SGCG: variants seen among roughly 807,000 people sequenced by gnomAD.
SGCG encodes the protein sarcoglycan gamma.
In SGCG, 26 loss-of-function variants were observed where a neutral mutation model predicts 29.3. The observed-to-expected ratio is 0.89, with a 90% CI of 0.65 to 1.23. The LOEUF is 1.23. Among genes scored for constraint, SGCG ranks in the 50% most tolerant of loss-of-function variants. The pLI is 0.00. For missense variants in SGCG, 353 were observed against 356.0 expected, an observed-to-expected ratio of 0.99 and a Z score of 0.07; for synonymous variants, 145 against 129.7, an observed-to-expected ratio of 1.12 and a Z score of -0.80.
the SGCG span, among the ~76,000 whole-genome samples, chr13:23,168,995 T>C: frequency 6.6e-6 from 1 of 151,936 alleles, no homozygotes; most frequent in Non-Finnish European, 1.5e-5. Context: ...TTTGTTGAGA[T>C]ACAGTATATC....
Position 23,262,571 on chromosome 13 carries a change from A to G in SGCG, c.385+11854A>G, listed in dbSNP as rs1367958217. Reference sequence around the variant, plus strand: ...AAAACAATAACAGTGGAGGACTTCAATACTCCACTGACGGCATTAGACAAA... The same window carrying G: ...AAAACAATAACAGTGGAGGACTTCAGTACTCCACTGACGGCATTAGACAAA... On this transcript the variant is annotated intron_variant, in intron 4 of 7. Transcript: ENST00000218867. Among the ~76,000 whole-genome samples, 5 of 152,096 alleles carry G rather than the reference A, an allele frequency of 3.3e-5. No individual in the cohort carries two copies. The East Asian group carries it at 5.8e-4, about 18-fold the overall frequency.
chr13:23,189,470 C>T (rs376565453), intron 1 of SGCG, among the ~76,000 whole-genome samples: 2 of 152,210 alleles, frequency 1.3e-5, no homozygotes, highest in African/African-American at 4.8e-5. Context: ...GCCACTGCGC[C>T]TGGCCTTTTT....
chr13:23,266,001 A>C (rs1489520390), intron 4 of SGCG, among the ~76,000 whole-genome samples: 1 of 152,198 alleles, frequency 6.6e-6, no homozygotes, highest in Non-Finnish European at 1.5e-5. Flanking sequence ...TCACAAAGAT[A>C]TAAAATCAAC....
At chr13:23,310,179 T>C (rs183512671) in intron 6 of SGCG, among the ~76,000 whole-genome samples, 3,512 of 144,918 alleles carry the variant, frequency 0.024, 158 homozygotes, top group African/African-American at 0.083. Flanking sequence ...CTCCGCCTCC[T>C]GGGTTCACGC....
intron 2 of SGCG, among the ~76,000 whole-genome samples, chr13:23,227,324 AAAAAAC>A (rs202055967): frequency 0.013 from 1,800 of 140,926 alleles, 26 homozygotes; most frequent in African/African-American, 0.042. Context: ...GGAAAAAAAA[AAAAAAC>A]AAAAACCTGG....
chr13:23,299,717 G>A (rs527908089), intron 6 of SGCG, among the ~76,000 whole-genome samples: 269 of 151,994 alleles, frequency 1.8e-3, no homozygotes, highest in Non-Finnish European at 2.9e-3. Context: ...CTCCCAAAGT[G>A]CTGGGATTAC....
chr13:23,318,268 T>C (rs1433705368), intron 6 of SGCG, among the ~76,000 whole-genome samples: 1 of 152,150 alleles, frequency 6.6e-6, no homozygotes, highest in Non-Finnish European at 1.5e-5. Context: ...CCCTGACTAA[T>C]ACACCAATCA....
rs149072561 is a variant in SGCG at position 23,308,193 on chromosome 13, C to T, written c.579-12444C>T. Among the ~76,000 whole-genome samples the T allele has an allele frequency of 5.6e-4, 85 of 152,264 alleles. No individual in the cohort carries two copies. The East Asian group carries it at 7.7e-3, about 14-fold the overall frequency. On this transcript the variant is annotated intron_variant, in intron 6 of 7. Coordinates refer to ENST00000218867, the MANE Select transcript of SGCG (RefSeq NM_000231.3). ...TCAGGAACTTGGGTGTTTTAGAAAC[C>T]ACTGCTTGGGCACTAAGGAGGGAAT...
intron 5 of SGCG, 127 bp downstream of exon 5, chr13:23,279,605 C>A: frequency 1.3e-6 from 1 of 771,746 alleles, no homozygotes; most frequent in Non-Finnish European, 2.0e-6. Context: ...GTTGCATTTT[C>A]TCCATTGCAT....
chr13:23,161,963 T>C, the SGCG span, among the ~76,000 whole-genome samples: 3 of 152,242 alleles, frequency 2.0e-5, no homozygotes, highest in Admixed American at 6.5e-5. Context: ...CAATCTTTCT[T>C]AAATCTCAGA....
At position 23,303,393 on chromosome 13, in the gene SGCG, A is replaced by G. The variant is rs574463043; in HGVS notation, c.578+7906A>G. 3.9e-5 allele frequency among the ~76,000 whole-genome samples: 6 copies of G among 152,350 alleles called. No individual in the cohort carries two copies. The East Asian group carries it at 1.2e-3, about 29-fold the overall frequency. ...CACTTTCAGACACTGGATAGCACGA[A>G]GTGCAAAACAAGACAGAAACTAATG... On this transcript the variant is annotated intron_variant, in intron 6 of 7. Transcript: ENST00000218867.
intron 6 of SGCG, among the ~76,000 whole-genome samples, chr13:23,309,571 A>G (rs1373106348): frequency 6.6e-6 from 1 of 152,226 alleles, no homozygotes; most frequent in Non-Finnish European, 1.5e-5. Flanking sequence ...AACGATGGAC[A>G]TCTGTGTTTA....
chr13:23,233,171 A>G (rs1450886867), intron 2 of SGCG, among the ~76,000 whole-genome samples: 1 of 152,216 alleles, frequency 6.6e-6, no homozygotes, highest in Non-Finnish European at 1.5e-5. Flanking sequence ...CCCAAGTATC[A>G]ATCAATGGGA....
At chr13:23,248,922 C>T (rs1313939874) in intron 3 of SGCG, among the ~76,000 whole-genome samples, 3 of 142,520 alleles carry the variant, frequency 2.1e-5, no homozygotes, top group African/African-American at 7.9e-5. Flanking sequence ...ACCCGGGAGG[C>T]GGAGCTTGCA....
rs1877862967 is a variant in SGCG at position 23,203,736 on chromosome 13, C to T, written c.42C>T (p.Cys14=). The T allele has an allele frequency of 1.9e-6, 3 of 1,613,870 alleles. No homozygotes were observed. The East Asian group carries it at 6.7e-5, about 36-fold the overall frequency. The change falls in exon 2 of 8, where the codon TGC becomes TGT. Residue 14 remains cysteine (C), a synonymous_variant. Transcript: ENST00000218867. ...EQYTTATEGI[C]IERPENQYVY... is the part of the protein sequence containing the mutation. The stretch of plus-strand genomic sequence containing the variant: ...ACACTACAGCCACAGAAGGCATCTG[C>T]ATAGAGAGGCCAGAGAATCAGTATG...
chr13:23,187,594 C>T (rs114224535), intron 1 of SGCG, among the ~76,000 whole-genome samples: 2,264 of 152,282 alleles, frequency 0.015, 65 homozygotes, highest in African/African-American at 0.052. Flanking sequence ...CCCTGGAAGG[C>T]TGGCCATAAG....
At chr13:23,212,715 G>T (rs373266253) in intron 2 of SGCG, among the ~76,000 whole-genome samples, 1 of 152,148 alleles carries the variant, frequency 6.6e-6, no homozygotes, top group East Asian at 1.9e-4. Flanking sequence ...GTTAACTTGG[G>T]AAGGCTCTTA....
intron 6 of SGCG, among the ~76,000 whole-genome samples, chr13:23,308,605 T>C (rs552970935): frequency 2.5e-4 from 38 of 152,164 alleles, no homozygotes; most frequent in African/African-American, 8.2e-4. Context: ...CACTCTGTCA[T>C]CCAGGCTGGA....
the SGCG span, among the ~76,000 whole-genome samples, chr13:23,169,441 G>T: frequency 6.6e-6 from 1 of 151,512 alleles, no homozygotes; most frequent in Non-Finnish European, 1.5e-5. Context: ...AGCACTTTGG[G>T]AGGCCGAGGC....
Sources: gnomAD v4.1 joint callset for allele counts (sites outside exome capture counted in the v4.1 genomes callset) on GRCh38, gnomAD v4.1.1 for gene constraint, MANE v1.5 for transcripts, NCBI Gene and HGNC (gene_info 2026-07-23, HGNC 2026-07-21) for gene names.